Variants in ELP2 observed in about 807,000 individuals in gnomAD.
The protein encoded by ELP2 is elongator acetyltransferase complex subunit 2.
A neutral mutation model predicts 119.2 loss-of-function variants in ELP2; 90 were observed. The ratio of observed to expected loss-of-function variants is 0.75; its 90% CI spans 0.64 to 0.90. ELP2 has a LOEUF of 0.90. Ranked by LOEUF, ELP2 falls within the 40% of genes least tolerant of loss-of-function variation. The pLI, the probability that ELP2 is intolerant of heterozygous loss-of-function variation, is 0.00. For synonymous variants in ELP2, 339 were observed against 331.0 expected, an observed-to-expected ratio of 1.02 and a Z score of -0.26; for missense variants, 921 against 967.8, an observed-to-expected ratio of 0.95 and a Z score of 0.64.
At chr18:36,150,062 G>A (rs1020360673) in intron 11 of ELP2, among the ~76,000 whole-genome samples, 7 of 152,228 alleles carry the variant, frequency 4.6e-5, no homozygotes, top group Middle Eastern at 3.4e-3. Flanking sequence ...CTACTACACA[G>A]TCAGTTTCAG....
intron 8 of ELP2, among the ~76,000 whole-genome samples, chr18:36,143,284 T>A (rs2090095392): frequency 6.6e-6 from 1 of 152,018 alleles, no homozygotes; most frequent in Non-Finnish European, 1.5e-5. Context: ...CACGCCTGGC[T>A]AACTTTTTTG....
In ELP2 at chr18:36,141,203, T is replaced by C. The variant is rs2090015375; in HGVS notation, c.588+2T>C. 17 of 1,603,600 alleles carry C rather than the reference T, an allele frequency of 1.1e-5. No individual in the cohort carries two copies. The highest frequency in any genetic ancestry group is 1.4e-5 in the Non-Finnish European group (16 of 1,170,602). ...ATATTTGCTCAACAAAATGATCAGGTAATAATGTTTATATTAAGAGGCTGG... is the reference window on the plus strand; with the variant it reads ...ATATTTGCTCAACAAAATGATCAGGCAATAATGTTTATATTAAGAGGCTGG... On this transcript the variant is annotated splice_donor_variant, in intron 6 of 21. Transcript: ENST00000358232. LOFTEE classifies it high-confidence loss of function.
rs2090651947 is a variant in ELP2 at position 36,159,018 on chromosome 18, A to AG, written c.1534+115dup. The AG allele has an allele frequency of 3.2e-5, 24 of 756,064 alleles. No homozygotes were observed. The East Asian group carries it at 6.4e-4, about 20-fold the overall frequency. The allele number at this position is 756,064 out of a possible 1,614,324, so 46.8% of individuals were successfully genotyped here. A position where few individuals can be genotyped will look rare whatever the true frequency, so the allele number is the denominator to read the frequency against. On this transcript the variant is annotated intron_variant, in intron 14 of 21. Coordinates refer to ENST00000358232, the MANE Select transcript of ELP2 (RefSeq NM_018255.4). ...ACAGCTGATTTTTTTTTTAAATCAC[A>AG]GTATATCTTTTCTATCACCTATTTC...
At chr18:36,138,915 G>T in intron 5 of ELP2, 43 bp downstream of exon 5, 2 of 1,393,430 alleles carry the variant, frequency 1.4e-6, no homozygotes, top group Non-Finnish European at 2.0e-6. Context: ...CAGTATATTT[G>T]CATACTGTCA....
intron 15 of ELP2, 39 bp from the exon 16 acceptor site, chr18:36,159,919 C>T (rs768115073): frequency 6.2e-6 from 10 of 1,610,506 alleles, no homozygotes; most frequent in South Asian, 1.1e-5. Context: ...CTATAGAATT[C>T]ACTTTTACAT....
intron 1 of ELP2, among the ~76,000 whole-genome samples, chr18:36,131,545 GCCAGGGTGACAC>G (rs2089628293): frequency 6.6e-6 from 1 of 152,224 alleles, no homozygotes; most frequent in South Asian, 2.1e-4. Context: ...GCCCGGGAGA[GCCAGGGTGACAC>G]CCTTTTAAAA....
At chr18:36,155,846 T>C (rs1016119536) in intron 12 of ELP2, among the ~76,000 whole-genome samples, 1 of 152,220 alleles carries the variant, frequency 6.6e-6, no homozygotes, top group African/African-American at 2.4e-5. Context: ...ATAATAGTAG[T>C]GAGGGCAGTT....
intron 13 of ELP2, among the ~76,000 whole-genome samples, chr18:36,158,198 GTCT>G (rs1479040926): frequency 6.6e-6 from 1 of 152,150 alleles, no homozygotes; most frequent in African/African-American, 2.4e-5. Context: ...CTGTGTTAAA[GTCT>G]AAGTTGTACA....
chr18:36,138,420 C>A lies in ELP2; in HGVS notation c.439C>A (p.Pro147Thr), dbSNP rs1009238234. The change falls in exon 4 of 22, where the codon CCA becomes ACA. Residue 147 changes from proline to threonine, a missense_variant. Physicochemically the swap from Pro to Thr is conservative, Grantham distance 38. Transcript: ENST00000358232. ...SAVRLWSKKGPEVMCLQTLNF... is the reference protein window; with the variant it reads ...SAVRLWSKKGTEVMCLQTLNF... ...TGTTCGACTCTGGTCTAAAAAGGGTCCAGAAGGTAGGTTTGGAGACATGAT... is the reference window on the plus strand; with the variant it reads ...TGTTCGACTCTGGTCTAAAAAGGGTACAGAAGGTAGGTTTGGAGACATGAT... The A allele has an allele frequency of 6.2e-7, 1 of 1,613,724 alleles. No individual in the cohort carries two copies. Among genetic ancestry groups the A allele is most frequent in the Non-Finnish European group, 8.5e-7 (1 of 1,179,902 alleles).
chr18:36,164,370 C>T (rs2090829511), intron 17 of ELP2, 105 bp from the exon 18 acceptor site: 1 of 1,127,456 alleles, frequency 8.9e-7, no homozygotes, highest in South Asian at 1.3e-5. Context: ...GGAATTCAAA[C>T]AGATAAATAA....
intron 18 of ELP2, among the ~76,000 whole-genome samples, chr18:36,166,167 A>G (rs886774149): frequency 6.6e-6 from 1 of 151,018 alleles, no homozygotes; most frequent in African/African-American, 2.4e-5. Flanking sequence ...CACTCCAGCC[A>G]GGGCATTAGA....
chr18:36,153,691 G>C (rs1048567381), intron 11 of ELP2, among the ~76,000 whole-genome samples: 1 of 152,112 alleles, frequency 6.6e-6, no homozygotes, highest in African/African-American at 2.4e-5. Context: ...TTTAGGTTCA[G>C]TTAATTTGGG....
Position 36,146,290 on chromosome 18 carries a change from A to G in ELP2, c.1034A>G (p.Tyr345Cys), listed in dbSNP as rs1259544977. 1.1e-5 allele frequency: 17 copies of G among 1,614,036 alleles called. No individual in the cohort carries two copies. The highest frequency in any genetic ancestry group is 1.4e-5 in the Non-Finnish European group (17 of 1,180,004). Residue 345 changes from tyrosine to cysteine, a missense_variant, in exon 11 of 22, where the codon TAT becomes TGT. By Grantham distance (194) the Tyr-to-Cys change is radical. Coordinates refer to ENST00000358232, the MANE Select transcript of ELP2 (RefSeq NM_018255.4). ...GTAGGTGGGAATACTTTGGGATTTT[A>G]TGATTGCCAGTTCAATGAAGATGGC... Reference protein sequence around the residue: ...GEVGGNTLGFYDCQFNEDGSM... With the variant: ...GEVGGNTLGFCDCQFNEDGSM...
rs1321884705 is a variant in ELP2 at position 36,179,575 on chromosome 18, G to C, written c.*4934G>C. ...ATGCTGTGTCCGAGAAGCTCCTACTGGGGTGGAAGGGACAGCTCCACAAAG... is the reference window on the plus strand; with the variant it reads ...ATGCTGTGTCCGAGAAGCTCCTACTCGGGTGGAAGGGACAGCTCCACAAAG... On this transcript the variant is annotated 3_prime_UTR_variant, in exon 22 of 22. Coordinates refer to ENST00000358232, the MANE Select transcript of ELP2 (RefSeq NM_018255.4). 1 of 152,120 alleles carries C rather than the reference G, an allele frequency of 6.6e-6. No individual in the cohort carries two copies. The highest frequency in any genetic ancestry group is 2.4e-5 in the African/African-American group (1 of 41,358). 9.4% of individuals were successfully genotyped at this position (152,120 alleles called of 1,614,324 possible).
chr18:36,146,792 A>G (rs1011251398), intron 11 of ELP2, among the ~76,000 whole-genome samples: 1 of 152,114 alleles, frequency 6.6e-6, no homozygotes, highest in African/African-American at 2.4e-5. Flanking sequence ...GCTTGAAGCT[A>G]GGAGTTTGAG....
rs181974182 is a variant in ELP2, at chr18:36,156,320, A to G, written c.1276-146A>G. ...CTGTGGCTCTTGGTAATTTTTACCAATACTGCCCAGTTGTGGTTTATTCAT... is the reference window on the plus strand; with the variant it reads ...CTGTGGCTCTTGGTAATTTTTACCAGTACTGCCCAGTTGTGGTTTATTCAT... On this transcript the variant is annotated intron_variant, in intron 12 of 21. Transcript: ENST00000358232. 1.2e-4 allele frequency: 96 copies of G among 802,028 alleles called. No homozygotes were observed. In the African/African-American group the frequency reaches 1.3e-3, roughly 10 times the overall value. 49.7% of individuals were successfully genotyped at this position (802,028 alleles called of 1,614,324 possible). A position where few individuals can be genotyped will look rare whatever the true frequency, so the allele number is the denominator to read the frequency against.
intron 12 of ELP2, among the ~76,000 whole-genome samples, chr18:36,155,738 T>C (rs1011746212): frequency 3.3e-5 from 5 of 152,154 alleles, no homozygotes; most frequent in Non-Finnish European, 5.9e-5. Context: ...AGGGTCTTGC[T>C]CTGTTGCCTA....
chr18:36,141,256 A>C, intron 6 of ELP2, 55 bp downstream of exon 6: 1 of 1,302,726 alleles, frequency 7.7e-7, no homozygotes, highest in Non-Finnish European at 1.1e-6. Flanking sequence ...TTATATCTCA[A>C]TACAGACTAT....
chr18:36,130,876 A>G (rs930986383), intron 1 of ELP2, among the ~76,000 whole-genome samples: 2 of 152,172 alleles, frequency 1.3e-5, no homozygotes, highest in Admixed American at 1.3e-4. Context: ...TTGGTTAAAA[A>G]TTTCATTATT....
Sources: gnomAD v4.1 joint callset for allele counts (sites outside exome capture counted in the v4.1 genomes callset) on GRCh38, gnomAD v4.1.1 for gene constraint, MANE v1.5 for transcripts, NCBI Gene and HGNC (gene_info 2026-07-23, HGNC 2026-07-21) for gene names.